Variants in TXNDC9 observed in about 807,000 individuals in gnomAD.
The protein encoded by TXNDC9 is thioredoxin domain-containing protein 9.
TXNDC9 carries 7 observed loss-of-function variants against 23.0 expected under a neutral mutation model. The ratio of observed to expected loss-of-function variants is 0.30; its 90% CI spans 0.17 to 0.57. The LOEUF (loss-of-function observed/expected upper bound fraction) is 0.57, where lower values mean the gene tolerates loss of function less well. Among genes scored for constraint, TXNDC9 ranks in the 20% least tolerant of loss-of-function variants. The probability of loss-of-function intolerance (pLI) is 0.90; values close to 1 mark genes in which losing one functional copy is unlikely to be tolerated. For missense variants in TXNDC9, 198 were observed against 252.6 expected (o/e 0.78, Z 1.47); for synonymous variants, 72 against 90.6 (o/e 0.79, Z 1.17).
the TXNDC9 span, among the ~76,000 whole-genome samples, chr2:99,306,469 G>T: frequency 6.6e-6 from 1 of 151,928 alleles, no homozygotes; most frequent in East Asian, 1.9e-4. Context: ...AAAGAATGGC[G>T]CTGTGTTTGG....
chr2:99,315,924 T>C (rs2094187939), downstream of TXNDC9, among the ~76,000 whole-genome samples: 1 of 152,182 alleles, frequency 6.6e-6, no homozygotes, highest in Non-Finnish European at 1.5e-5. Context: ...ATCAAGATTA[T>C]TTTGGCTACT....
chr2:99,320,170 GT>G (rs1450701616), intron 4 of TXNDC9, among the ~76,000 whole-genome samples: 1 of 152,046 alleles, frequency 6.6e-6, no homozygotes, highest in Non-Finnish European at 1.5e-5. Context: ...ACCATGCTCA[GT>G]TAATTTTTAC....
At chr2:99,309,151 T>C in the TXNDC9 span, among the ~76,000 whole-genome samples, 2 of 152,060 alleles carry the variant, frequency 1.3e-5, no homozygotes, top group Non-Finnish European at 2.9e-5. Context: ...GGCAGGTGGA[T>C]TGCTTGAGCC....
chr2:99,322,248 C>T (rs1416244260), intron 3 of TXNDC9, 39 bp from the exon 4 acceptor site: 14 of 1,573,216 alleles, frequency 8.9e-6, no homozygotes, highest in Non-Finnish European at 1.2e-5. Context: ...AAGCTAAAAC[C>T]ACAGATCGCT....
downstream of TXNDC9, among the ~76,000 whole-genome samples, chr2:99,316,293 A>AG (rs2094188954): frequency 6.6e-6 from 1 of 152,164 alleles, no homozygotes; most frequent in Admixed American, 6.5e-5. Context: ...CTCTTGCCTC[A>AG]GCCTCTCAAG....
chr2:99,333,549 G>A (rs569768907), intron 1 of TXNDC9, among the ~76,000 whole-genome samples: 26 of 152,292 alleles, frequency 1.7e-4, no homozygotes, highest in Non-Finnish European at 3.4e-4. Flanking sequence ...AGAGAAATGA[G>A]TTGTGAAGTT....
chr2:99,331,396 G>A (rs551907748), intron 2 of TXNDC9, among the ~76,000 whole-genome samples: 4 of 151,086 alleles, frequency 2.6e-5, no homozygotes, highest in Non-Finnish European at 4.4e-5. Flanking sequence ...CCAACATGAT[G>A]AAACCCCATC....
chr2:99,332,939 T>G, intron 2 of TXNDC9, 83 bp downstream of exon 2: 3 of 1,136,890 alleles, frequency 2.6e-6, no homozygotes, highest in South Asian at 1.4e-5. Context: ...AAGAACGAAA[T>G]GTAACTACTA....
At chr2:99,308,583 G>A in the TXNDC9 span, among the ~76,000 whole-genome samples, 2 of 152,064 alleles carry the variant, frequency 1.3e-5, no homozygotes, top group Non-Finnish European at 2.9e-5. Context: ...ATGCATGTGT[G>A]TGTGTGTGTG....
chr2:99,327,109 A>G (rs1382151410), intron 3 of TXNDC9, among the ~76,000 whole-genome samples: 1 of 151,964 alleles, frequency 6.6e-6, no homozygotes. Flanking sequence ...GTCTCACTCT[A>G]TCGCTCGAGC....
At chr2:99,324,558 A>C (rs987493854) in intron 3 of TXNDC9, among the ~76,000 whole-genome samples, 41 of 150,180 alleles carry the variant, frequency 2.7e-4, no homozygotes, top group African/African-American at 9.7e-4. Context: ...TCAACTCCAT[A>C]CTTTAACTGC....
At chr2:99,336,146 C>T in intron 1 of TXNDC9, 93 bp downstream of exon 1, 1 of 965,134 alleles carries the variant, frequency 1.0e-6, no homozygotes, top group Middle Eastern at 5.3e-4. Flanking sequence ...GTGCTGGGGC[C>T]GCGCCCCTCC....
chr2:99,309,842 C>T, the TXNDC9 span, among the ~76,000 whole-genome samples: 5 of 152,184 alleles, frequency 3.3e-5, no homozygotes, highest in East Asian at 5.8e-4. Context: ...TGTACCACCA[C>T]GCCCAGCTAA....
At chr2:99,310,173 G>A in the TXNDC9 span, among the ~76,000 whole-genome samples, 2 of 152,166 alleles carry the variant, frequency 1.3e-5, no homozygotes, top group Non-Finnish European at 2.9e-5. Context: ...AAATAAATAG[G>A]TCTTTGAGAA....
At chr2:99,322,263 T>C in intron 3 of TXNDC9, 54 bp from the exon 4 acceptor site, 3 of 1,560,490 alleles carry the variant, frequency 1.9e-6, no homozygotes, top group Non-Finnish European at 1.7e-6. Flanking sequence ...ATCGCTTTTT[T>C]CAAAATAAAT....
intron 2 of TXNDC9, among the ~76,000 whole-genome samples, chr2:99,331,092 A>C (rs890347352): frequency 6.6e-6 from 1 of 152,254 alleles, no homozygotes; most frequent in Non-Finnish European, 1.5e-5. Flanking sequence ...TCATCACTGC[A>C]AATCAGGTGA....
chr2:99,317,738 A>C (rs895947226), downstream of TXNDC9, among the ~76,000 whole-genome samples: 5 of 150,828 alleles, frequency 3.3e-5, no homozygotes, highest in Non-Finnish European at 7.4e-5. Context: ...TCCGCATCCC[A>C]AAGTACTGGT....
chr2:99,328,346 C>G (rs957593727), intron 2 of TXNDC9, among the ~76,000 whole-genome samples: 1 of 151,724 alleles, frequency 6.6e-6, no homozygotes, highest in African/African-American at 2.4e-5. Context: ...AAGCAATCCT[C>G]CCACCTTGTC....
chr2:99,319,796 T>C lies in TXNDC9; in HGVS notation c.567A>G (p.Gly189=). Residue 189 remains glycine, a synonymous_variant, in exon 5 of 5, where the codon GGA becomes GGG. Coordinates refer to ENST00000264255, the MANE Select transcript of TXNDC9 (RefSeq NM_005783.4). ...LGSSDILNYS[G]NLMEPPFQNQ... The stretch of plus-strand genomic sequence containing the variant: ...TCTGAAATGGTGGCTCCATTAAATT[T>C]CCACTTAAAAAAAAAAAAAAGCATT... 1 of 1,564,400 alleles carries C rather than the reference T, an allele frequency of 6.4e-7. No homozygotes were observed. Among genetic ancestry groups the C allele is most frequent in the Non-Finnish European group, 8.6e-7 (1 of 1,158,616 alleles).
Sources: gnomAD v4.1 joint callset for allele counts (sites outside exome capture counted in the v4.1 genomes callset) on GRCh38, gnomAD v4.1.1 for gene constraint, MANE v1.5 for transcripts, NCBI Gene and HGNC (gene_info 2026-07-23, HGNC 2026-07-21) for gene names.